The following LRP6 variants were observed in gnomAD, a reference collection of about 807,000 sequenced individuals.
The protein encoded by LRP6 is LDL receptor related protein 6, also known as low-density lipoprotein receptor-related protein 6.
In LRP6, 43 loss-of-function variants were observed where a neutral mutation model predicts 184.1. The observed-to-expected ratio is 0.23, with a 90% CI of 0.18 to 0.30. The LOEUF (loss-of-function observed/expected upper bound fraction) is 0.30, where lower values mean the gene tolerates loss of function less well. Among genes scored for constraint, LRP6 ranks in the 10% least tolerant of loss-of-function variants. LRP6 has a pLI of 1.00. For synonymous variants in LRP6, 719 were observed against 684.9 expected (o/e 1.05, Z -0.78); for missense variants, 1,571 against 2,005.3 (o/e 0.78, Z 4.14).
intron 2 of LRP6, among the ~76,000 whole-genome samples, chr12:12,225,851 G>A (rs1264476001): frequency 2.7e-5 from 4 of 150,008 alleles, no homozygotes; most frequent in African/African-American, 9.9e-5. Flanking sequence ...TAACCTAGGC[G>A]ACAGAGAAAG....
intron 22 of LRP6, among the ~76,000 whole-genome samples, chr12:12,123,041 G>GA (rs35213442): frequency 0.1 from 13,733 of 137,828 alleles, 769 homozygotes; most frequent in Middle Eastern, 0.19. Flanking sequence ...CTATTTTCAT[G>GA]AAAAAAAAAA....
rs189868491 is a variant in LRP6, at chr12:12,238,183, A to T, written c.449+6079T>A. On this transcript the variant is annotated intron_variant, in intron 2 of 22. Transcript: ENST00000261349. Reference sequence around the variant, plus strand: ...CATGTTAAACTGCAAAGTTAGGCACAGCTGAAGAAAGAATTTTGTATCTAG... The same window carrying T: ...CATGTTAAACTGCAAAGTTAGGCACTGCTGAAGAAAGAATTTTGTATCTAG... Among the ~76,000 whole-genome samples the T allele has an allele frequency of 5.9e-5, 9 of 151,878 alleles. No homozygotes were observed. The East Asian group carries it at 1.5e-3, about 26-fold the overall frequency.
At chr12:12,206,691 T>C (rs1169896767) in intron 2 of LRP6, among the ~76,000 whole-genome samples, 1 of 152,030 alleles carries the variant, frequency 6.6e-6, no homozygotes, top group Non-Finnish European at 1.5e-5. Flanking sequence ...GAGGACTGTC[T>C]GAGTCCAGGA....
intron 2 of LRP6, among the ~76,000 whole-genome samples, chr12:12,221,560 A>G (rs1864490015): frequency 6.6e-6 from 1 of 152,184 alleles, no homozygotes; most frequent in East Asian, 1.9e-4. Context: ...TAAAATATCC[A>G]TTATGTGGGT....
At position 12,257,779 on chromosome 12, in the gene LRP6, CAAAAAAAAA is replaced by C. The variant is rs1163180718; in HGVS notation, c.55+8893_55+8901del. On this transcript the variant is annotated intron_variant, in intron 1 of 22. Coordinates refer to ENST00000261349, the MANE Select transcript of LRP6 (RefSeq NM_002336.3). ...GCAACATAGTAAGACCCTGTCTCTA[CAAAAAAAAA>C]AAAAAAAAAAAAAAAAAAAAAATTA... 9.3e-3 allele frequency among the ~76,000 whole-genome samples: 329 copies of C among 35,306 alleles called. 2 individuals are homozygous for C. The highest frequency in any genetic ancestry group is 0.051 in the South Asian group (22 of 432). The allele number at this position is 35,306 out of a possible 152,430, so 23.2% of individuals were successfully genotyped here. A position where few individuals can be genotyped will look rare whatever the true frequency, so the allele number is the denominator to read the frequency against.
chr12:12,193,065 T>C (rs1863658094), intron 3 of LRP6, among the ~76,000 whole-genome samples: 1 of 152,002 alleles, frequency 6.6e-6, no homozygotes, highest in Non-Finnish European at 1.5e-5. Context: ...CATAATGAAA[T>C]TCATGAAGAA....
intron 7 of LRP6, among the ~76,000 whole-genome samples, chr12:12,177,331 G>A (rs1187151826): frequency 1.3e-5 from 2 of 152,170 alleles, no homozygotes; most frequent in Non-Finnish European, 2.9e-5. Context: ...TCAGTATCTG[G>A]AATCAGTTGC....
chr12:12,192,246 G>A (rs545034244), intron 3 of LRP6, among the ~76,000 whole-genome samples: 9 of 151,902 alleles, frequency 5.9e-5, no homozygotes, highest in South Asian at 4.1e-4. Flanking sequence ...CAAAATGCAC[G>A]TTGCAATCCC....
At chr12:12,240,712 T>C (rs186400728) in intron 2 of LRP6, among the ~76,000 whole-genome samples, 85 of 152,252 alleles carry the variant, frequency 5.6e-4, no homozygotes, top group Non-Finnish European at 8.5e-4. Flanking sequence ...ATTTGGAATA[T>C]GAAAGGATCC....
chr12:12,176,690 A>G (rs1863191966), intron 7 of LRP6, among the ~76,000 whole-genome samples: 1 of 152,214 alleles, frequency 6.6e-6, no homozygotes, highest in South Asian at 2.1e-4. Context: ...AGCAGGTAGC[A>G]TAAATGAATG....
rs1949547921 is a variant in LRP6, at chr12:12,118,437, T to C, written c.*2689A>G. The C allele has an allele frequency of 1.3e-5, 2 of 152,248 alleles. No individual in the cohort carries two copies. The highest frequency in any genetic ancestry group is 4.8e-5 in the African/African-American group (2 of 41,476). 9.4% of individuals were successfully genotyped at this position (152,248 alleles called of 1,614,324 possible). A position where few individuals can be genotyped will look rare whatever the true frequency, so the allele number is the denominator to read the frequency against. On this transcript the variant is annotated 3_prime_UTR_variant, in exon 23 of 23. Transcript: ENST00000261349. ...GTTAGTGCATATATTTTAGGACACA[T>C]GTTCAAAATAAATACTTTTGCATAT...
intron 19 of LRP6, among the ~76,000 whole-genome samples, chr12:12,127,881 A>G (rs1949694980): frequency 6.6e-6 from 1 of 152,206 alleles, no homozygotes; most frequent in Admixed American, 6.5e-5. Flanking sequence ...CGTGAAAATG[A>G]CATCTCTAAG....
chr12:12,135,129 A>G (rs1949815174), intron 17 of LRP6, 46 bp downstream of exon 17: 3 of 1,612,718 alleles, frequency 1.9e-6, no homozygotes, highest in South Asian at 1.1e-5. Flanking sequence ...AAGATATGGA[A>G]TATGTTTGCA....
At chr12:12,220,025 G>A (rs1032769290) in intron 2 of LRP6, among the ~76,000 whole-genome samples, 8 of 152,124 alleles carry the variant, frequency 5.3e-5, no homozygotes, top group South Asian at 2.1e-4. Context: ...GGTGGTTCAC[G>A]CCTGTAATCC....
chr12:12,162,881 A>T (rs974794171), intron 9 of LRP6, among the ~76,000 whole-genome samples: 1 of 152,156 alleles, frequency 6.6e-6, no homozygotes, highest in Non-Finnish European at 1.5e-5. Context: ...CATAATTCAA[A>T]CTAATAATAG....
chr12:12,256,456 A>G (rs1378387100), intron 1 of LRP6, among the ~76,000 whole-genome samples: 1 of 152,044 alleles, frequency 6.6e-6, no homozygotes, highest in Non-Finnish European at 1.5e-5. Flanking sequence ...GGCTGCAGTG[A>G]GCAATGATCG....
intron 16 of LRP6, among the ~76,000 whole-genome samples, chr12:12,135,528 C>T (rs1005119440): frequency 6.7e-6 from 1 of 148,516 alleles, no homozygotes; most frequent in African/African-American, 2.5e-5. Flanking sequence ...GAGTCTTGCT[C>T]TGTAGCTCAG....
intron 2 of LRP6, among the ~76,000 whole-genome samples, chr12:12,229,092 C>A (rs578075969): frequency 6.6e-6 from 1 of 152,144 alleles, no homozygotes; most frequent in East Asian, 1.9e-4. Context: ...GAATATCGGC[C>A]CGGCACAACG....
intron 1 of LRP6, among the ~76,000 whole-genome samples, chr12:12,262,630 A>G (rs1216679241): frequency 6.6e-6 from 1 of 152,018 alleles, no homozygotes; most frequent in Non-Finnish European, 1.5e-5. Context: ...TCCAAAACCT[A>G]TATTCTTATC....
Sources: gnomAD v4.1 joint callset for allele counts (sites outside exome capture counted in the v4.1 genomes callset) on GRCh38, gnomAD v4.1.1 for gene constraint, MANE v1.5 for transcripts, NCBI Gene and HGNC (gene_info 2026-07-23, HGNC 2026-07-21) for gene names.